The following FER variants were observed in gnomAD, a reference collection of about 807,000 sequenced individuals.
The protein encoded by FER is FER tyrosine kinase.
Under a neutral mutation model 111.0 loss-of-function variants are expected in FER, and 63 were observed. The ratio of observed to expected loss-of-function variants is 0.57; its 90% CI spans 0.46 to 0.70. FER has a LOEUF of 0.70. FER is among the 30% of genes least tolerant of loss of function. FER has a pLI of 0.00. For missense variants in FER, 914 were observed against 954.0 expected, an observed-to-expected ratio of 0.96 and a Z score of 0.55; for synonymous variants, 327 against 313.9, an observed-to-expected ratio of 1.04 and a Z score of -0.44.
chr5:108,977,038 TACAGAG>T (rs1761444466), intron 13 of FER, among the ~76,000 whole-genome samples: 1 of 152,200 alleles, frequency 6.6e-6, no homozygotes, highest in Non-Finnish European at 1.5e-5. Context: ...TAGAGTTTAG[TACAGAG>T]ACAAACTGCT....
At chr5:108,959,382 T>C in intron 13 of FER, 35 bp downstream of exon 13, 2 of 1,549,398 alleles carry the variant, frequency 1.3e-6, no homozygotes, top group Non-Finnish European at 1.7e-6. Context: ...CTGTTTGTTT[T>C]AAAAGAATTT....
At chr5:108,976,243 T>G (rs905609546) in intron 13 of FER, among the ~76,000 whole-genome samples, 20 of 152,208 alleles carry the variant, frequency 1.3e-4, no homozygotes, top group African/African-American at 4.3e-4. Context: ...TAAACCTAGA[T>G]TGCTGATAAC....
chr5:108,894,023 A>G (rs915274906), intron 9 of FER, among the ~76,000 whole-genome samples: 2 of 148,432 alleles, frequency 1.3e-5, no homozygotes, highest in Non-Finnish European at 3.0e-5. Context: ...TGTGGGACAG[A>G]TTCCTTCCAT....
At chr5:108,923,026 ACTT>A (rs1167660206) in intron 10 of FER, among the ~76,000 whole-genome samples, 1 of 152,136 alleles carries the variant, frequency 6.6e-6, no homozygotes, top group African/African-American at 2.4e-5. Flanking sequence ...GGCAAGTTAA[ACTT>A]TCTGTACCTC....
At chr5:108,888,758 T>C (rs1747558501) in intron 9 of FER, among the ~76,000 whole-genome samples, 1 of 151,764 alleles carries the variant, frequency 6.6e-6, no homozygotes, top group African/African-American at 2.4e-5. Context: ...AAAAGGAACA[T>C]GTTCATATAT....
At chr5:108,857,341 T>C (rs1364713477) in intron 5 of FER, among the ~76,000 whole-genome samples, 1 of 152,078 alleles carries the variant, frequency 6.6e-6, no homozygotes, top group African/African-American at 2.4e-5. Context: ...CTGCATAATA[T>C]TTATTTATTT....
intron 2 of FER, among the ~76,000 whole-genome samples, chr5:108,780,523 T>G (rs949658937): frequency 9.9e-5 from 15 of 152,050 alleles, no homozygotes; most frequent in African/African-American, 3.4e-4. Context: ...TTTTCCACTG[T>G]CTTCTTTCAG....
At chr5:109,164,066 A>T (rs1473387313) in intron 17 of FER, among the ~76,000 whole-genome samples, 1 of 152,224 alleles carries the variant, frequency 6.6e-6, no homozygotes, top group African/African-American at 2.4e-5. Flanking sequence ...GTTAACATTT[A>T]AAAATAATGT....
chr5:109,036,493 T>C (rs1478206763), intron 13 of FER, among the ~76,000 whole-genome samples: 1 of 152,032 alleles, frequency 6.6e-6, no homozygotes, highest in Non-Finnish European at 1.5e-5. Context: ...TTACAACTCA[T>C]AGATCATCAT....
intron 16 of FER, chr5:109,051,370 G>T: frequency 6.2e-7 from 1 of 1,611,542 alleles, no homozygotes. Context: ...GGCTCTGCTT[G>T]AAGGTTGCTG....
At chr5:108,822,737 T>A (rs1330314690) in intron 3 of FER, among the ~76,000 whole-genome samples, 30 of 140,476 alleles carry the variant, frequency 2.1e-4, no homozygotes, top group South Asian at 4.4e-4. Context: ...TATTTTATTT[T>A]ATTTTATTTT....
rs549268411 is a variant in FER at position 108,783,205 on chromosome 5, A to G, written c.-59-14919A>G. On this transcript the variant is annotated intron_variant, in intron 2 of 19. Coordinates refer to ENST00000281092, the MANE Select transcript of FER (RefSeq NM_005246.4). ...GGTGAATTCTGTTGTTCTGTCCATA[A>G]GCTCATTGACTGTATCCTGTGTCAT... Among the ~76,000 whole-genome samples the G allele has an allele frequency of 8.2e-4, 125 of 152,232 alleles. 2 individuals carry two copies. Among genetic ancestry groups the G allele is most frequent in the African/African-American group, 2.9e-3 (122 of 41,558 alleles).
chr5:108,799,904 G>A (rs10073473), intron 3 of FER, among the ~76,000 whole-genome samples: 28,614 of 149,452 alleles, frequency 0.19, 2,965 homozygotes, highest in African/African-American at 0.27. Context: ...GTACGGTGGT[G>A]CAATCTTGGC....
intron 13 of FER, among the ~76,000 whole-genome samples, chr5:109,019,027 C>G (rs1468392866): frequency 2.0e-5 from 3 of 151,120 alleles, no homozygotes; most frequent in African/African-American, 7.3e-5. Flanking sequence ...CCATAATATC[C>G]TAATAATTCA....
In FER at chr5:108,954,725, TAAGC is replaced by T. The variant is rs1254424867; in HGVS notation, c.1330-3_1330del. ...TAGTTTTTTTTTTTTAATATTTGTT[TAAGC>T]TTTCTGATATGATCTCCATCAGTGA... On this transcript the variant is annotated splice_acceptor_variant and splice_polypyrimidine_tract_variant and coding_sequence_variant and intron_variant, in exon 12 of 20. Coordinates refer to ENST00000281092, the MANE Select transcript of FER (RefSeq NM_005246.4). LOFTEE classifies it high-confidence loss of function. The T allele has an allele frequency of 1.3e-6, 2 of 1,533,240 alleles. No individual in the cohort carries two copies. Among genetic ancestry groups the T allele is most frequent in the Non-Finnish European group, 8.7e-7 (1 of 1,144,348 alleles). 95.0% of individuals were successfully genotyped at this position (1,533,240 alleles called of 1,614,324 possible).
At chr5:108,948,913 A>G (rs113445511) in intron 11 of FER, among the ~76,000 whole-genome samples, 1,609 of 152,242 alleles carry the variant, frequency 0.011, 32 homozygotes, top group African/African-American at 0.037. Flanking sequence ...TGTTCTTTAT[A>G]TAGATAACAG....
intron 17 of FER, among the ~76,000 whole-genome samples, chr5:109,131,491 A>C (rs903517356): frequency 6.6e-6 from 1 of 152,152 alleles, no homozygotes; most frequent in Non-Finnish European, 1.5e-5. Context: ...AGCATTAATA[A>C]TATTAGTTAT....
chr5:109,114,238 C>A (rs1349987503), intron 17 of FER, among the ~76,000 whole-genome samples: 1 of 152,052 alleles, frequency 6.6e-6, no homozygotes, highest in African/African-American at 2.4e-5. Context: ...TTGTAGCATA[C>A]CCAGGACTAA....
intron 13 of FER, among the ~76,000 whole-genome samples, chr5:109,033,082 C>T (rs1769870772): frequency 6.6e-6 from 1 of 152,152 alleles, no homozygotes; most frequent in South Asian, 2.1e-4. Flanking sequence ...TGTAATACAT[C>T]TTTTATGTCT....
Sources: allele counts gnomAD v4.1 joint callset (sites outside exome capture counted in the v4.1 genomes callset), GRCh38; gene constraint gnomAD v4.1.1; transcripts MANE v1.5; gene names NCBI Gene and HGNC (gene_info 2026-07-23, HGNC 2026-07-21).